Variants in GPC6 observed in about 807,000 individuals in gnomAD.
GPC6 encodes glypican 6.
Under a neutral mutation model 55.2 loss-of-function variants are expected in GPC6, and 14 were observed. That is an observed-to-expected ratio of 0.25 (90% CI 0.17 to 0.40). GPC6 has a LOEUF of 0.40. Among genes scored for constraint, GPC6 ranks in the 10% least tolerant of loss-of-function variants. The probability of loss-of-function intolerance (pLI) is 1.00; values close to 1 mark genes in which losing one functional copy is unlikely to be tolerated. For missense variants in GPC6, 641 were observed against 708.5 expected (o/e 0.90, Z 1.08); for synonymous variants, 278 against 259.6 (o/e 1.07, Z -0.68).
chr13:94,147,371 G>A (rs143592187), intron 4 of GPC6, among the ~76,000 whole-genome samples: 63 of 152,216 alleles, frequency 4.1e-4, no homozygotes, highest in African/African-American at 1.3e-3. Context: ...CATCATTACA[G>A]GATGTTAGGC....
chr13:93,229,135 A>G (rs1027711898), intron 1 of GPC6, among the ~76,000 whole-genome samples: 2 of 152,154 alleles, frequency 1.3e-5, no homozygotes, highest in African/African-American at 2.4e-5. Context: ...TTGTTAATCA[A>G]TGAATAGAGA....
At position 93,672,148 on chromosome 13, in the gene GPC6, GTT is replaced by G. The variant is rs5805816; in HGVS notation, c.319+126741_319+126742del. On this transcript the variant is annotated intron_variant, in intron 2 of 8. Transcript: ENST00000377047. ...TTTATATGATAGAATTAAGTTCTGG[GTT>G]TTTTTTTTTTTTTAGTAGCTAATAG... is the stretch of plus-strand genomic sequence containing the variant. 2.3e-3 allele frequency among the ~76,000 whole-genome samples: 308 copies of G among 134,126 alleles called. 1 individual carries two copies. The highest frequency in any genetic ancestry group is 7.8e-3 in the African/African-American group (297 of 37,990). 88.0% of individuals were successfully genotyped at this position (134,126 alleles called of 152,430 possible). A position where few individuals can be genotyped will look rare whatever the true frequency, so the allele number is the denominator to read the frequency against.
chr13:93,734,462 A>G (rs1883929525), intron 2 of GPC6, among the ~76,000 whole-genome samples: 1 of 152,164 alleles, frequency 6.6e-6, no homozygotes, highest in South Asian at 2.1e-4. Context: ...ACAATTAGGC[A>G]TACTTTTGAG....
intron 2 of GPC6, among the ~76,000 whole-genome samples, chr13:93,803,645 C>A (rs1444311029): frequency 6.6e-6 from 1 of 152,072 alleles, no homozygotes; most frequent in African/African-American, 2.4e-5. Context: ...ATGCACATAG[C>A]AACATTATTC....
intron 1 of GPC6, among the ~76,000 whole-genome samples, chr13:93,434,351 G>A (rs1877485256): frequency 6.6e-6 from 1 of 152,156 alleles, no homozygotes; most frequent in Non-Finnish European, 1.5e-5. Context: ...GAACCCAGAT[G>A]ATAACACATC....
upstream of GPC6, among the ~76,000 whole-genome samples, chr13:93,225,780 T>C (rs3829866): frequency 6.6e-5 from 10 of 152,364 alleles, no homozygotes; most frequent in East Asian, 1.9e-3. Flanking sequence ...AACATCTTCA[T>C]GTGTAGCTTC....
intron 4 of GPC6, among the ~76,000 whole-genome samples, chr13:94,253,528 A>G (rs1461951535): frequency 1.3e-5 from 2 of 152,150 alleles, no homozygotes; most frequent in African/African-American, 2.4e-5. Context: ...TGAGAAAATA[A>G]CAGACTAAAG....
intron 4 of GPC6, among the ~76,000 whole-genome samples, chr13:94,181,417 T>G (rs967593166): frequency 6.6e-6 from 1 of 152,244 alleles, no homozygotes; most frequent in Non-Finnish European, 1.5e-5. Context: ...TATTGGGGGC[T>G]GGTTCCCCCG....
At chr13:93,823,989 T>C (rs1887144082) in intron 2 of GPC6, among the ~76,000 whole-genome samples, 1 of 152,210 alleles carries the variant, frequency 6.6e-6, no homozygotes, top group Non-Finnish European at 1.5e-5. Flanking sequence ...AGCAATATTG[T>C]CTTTTAATAA....
At chr13:94,386,190 T>G (rs745723993) in intron 7 of GPC6, among the ~76,000 whole-genome samples, 4 of 151,900 alleles carry the variant, frequency 2.6e-5, no homozygotes, top group Non-Finnish European at 5.9e-5. Context: ...AAACCCCGTC[T>G]CTACTAAAAA....
At chr13:94,100,330 T>C (rs138290127) in intron 4 of GPC6, among the ~76,000 whole-genome samples, 1,892 of 152,286 alleles carry the variant, frequency 0.012, 36 homozygotes, top group African/African-American at 0.042. Flanking sequence ...TTTGAATACG[T>C]AGAATTTCTT....
At chr13:93,231,331 G>GTATATATATATATATACA (rs1491441959) in intron 1 of GPC6, among the ~76,000 whole-genome samples, 2 of 75,484 alleles carry the variant, frequency 2.6e-5, no homozygotes, top group Non-Finnish European at 4.7e-5. Flanking sequence ...ATATATATAC[G>GTATATATATATATATACA]TATATATATA....
chr13:93,936,395 A>ATG (rs138841350), intron 3 of GPC6, among the ~76,000 whole-genome samples: 7,289 of 151,228 alleles, frequency 0.048, 233 homozygotes, highest in African/African-American at 0.089. Context: ...GTGTGCGGGC[A>ATG]TGTGTGTGTG....
intron 2 of GPC6, among the ~76,000 whole-genome samples, chr13:93,827,938 T>C (rs1887324124): frequency 6.6e-6 from 1 of 151,632 alleles, no homozygotes; most frequent in South Asian, 2.1e-4. Flanking sequence ...AAAGAGAAAA[T>C]GATATTTTTA....
At chr13:93,275,506 T>C (rs998173438) in intron 1 of GPC6, among the ~76,000 whole-genome samples, 4 of 152,194 alleles carry the variant, frequency 2.6e-5, no homozygotes, top group African/African-American at 7.2e-5. Flanking sequence ...GGAGCTGCCA[T>C]AGTAAAATTC....
intron 3 of GPC6, among the ~76,000 whole-genome samples, chr13:93,897,209 A>G (rs1479952029): frequency 1.3e-5 from 2 of 151,962 alleles, no homozygotes; most frequent in Non-Finnish European, 2.9e-5. Flanking sequence ...TGATTAATGG[A>G]TACAAATAAA....
intron 8 of GPC6, among the ~76,000 whole-genome samples, chr13:94,401,084 C>G (rs1237930979): frequency 2.0e-5 from 3 of 152,174 alleles, no homozygotes; most frequent in African/African-American, 7.2e-5. Context: ...CACACTCTCT[C>G]CAAGGTCAAT....
intron 5 of GPC6, among the ~76,000 whole-genome samples, chr13:94,289,426 A>G (rs986251084): frequency 4.0e-4 from 61 of 152,258 alleles, no homozygotes; most frequent in African/African-American, 1.1e-3. Context: ...GCCTGTTCAC[A>G]CAGGGAGATG....
intron 6 of GPC6, among the ~76,000 whole-genome samples, chr13:94,374,831 T>C (rs1404482015): frequency 7.0e-5 from 9 of 129,178 alleles, no homozygotes; most frequent in Non-Finnish European, 1.4e-4. Context: ...CCTCAGCAAA[T>C]GTAAAAGAAC....
Sources: allele counts gnomAD v4.1 joint callset (sites outside exome capture counted in the v4.1 genomes callset), GRCh38; gene constraint gnomAD v4.1.1; transcripts MANE v1.5; gene names NCBI Gene and HGNC (gene_info 2026-07-23, HGNC 2026-07-21).